RAPGEF1: variants seen among roughly 807,000 people sequenced by gnomAD.
RAPGEF1 encodes the protein CRK SH3-binding GNRP.
RAPGEF1 carries 33 observed loss-of-function variants against 143.3 expected under a neutral mutation model. That is an observed-to-expected ratio of 0.23 (90% CI 0.17 to 0.31). RAPGEF1 has a LOEUF of 0.31. Among genes scored for constraint, RAPGEF1 ranks in the 10% least tolerant of loss-of-function variants. RAPGEF1 has a pLI of 1.00. For synonymous variants in RAPGEF1, 629 were observed against 676.5 expected, an observed-to-expected ratio of 0.93 and a Z score of 1.09; for missense variants, 1,199 against 1,645.4, an observed-to-expected ratio of 0.73 and a Z score of 4.69.
chr9:131,590,489 C>G (rs999424198), intron 18 of RAPGEF1, among the ~76,000 whole-genome samples: 1 of 152,212 alleles, frequency 6.6e-6, no homozygotes, highest in African/African-American at 2.4e-5. Flanking sequence ...GGTCTCTCTT[C>G]CCAGAGCTGC....
intron 1 of RAPGEF1, among the ~76,000 whole-genome samples, chr9:131,708,360 G>C (rs1835241590): frequency 6.6e-6 from 1 of 152,204 alleles, no homozygotes; most frequent in South Asian, 2.1e-4. Context: ...CCGGTCTCCT[G>C]GGTCAATAAC....
At chr9:131,626,733 C>CT (rs1235060078) in intron 9 of RAPGEF1, among the ~76,000 whole-genome samples, 1 of 152,182 alleles carries the variant, frequency 6.6e-6, no homozygotes, top group African/African-American at 2.4e-5. Context: ...GTACCATAAT[C>CT]TAACTGTACT....
chr9:131,612,642 G>A (rs890360668), intron 12 of RAPGEF1, among the ~76,000 whole-genome samples: 2 of 152,178 alleles, frequency 1.3e-5, no homozygotes, highest in Non-Finnish European at 1.5e-5. Context: ...CCCGAGGGTC[G>A]CAGTGACCTG....
intron 1 of RAPGEF1, among the ~76,000 whole-genome samples, chr9:131,690,181 C>A (rs1263175496): frequency 6.6e-6 from 1 of 152,032 alleles, no homozygotes; most frequent in East Asian, 1.9e-4. Flanking sequence ...AATGGATGAC[C>A]ATTAAAACTA....
rs1260997053 is a variant in RAPGEF1, at chr9:131,650,795, C to A, written c.201+15G>T. The A allele has an allele frequency of 6.2e-7, 1 of 1,612,726 alleles. No homozygotes were observed. Reference sequence around the variant, plus strand: ...AAGCAGGTGAGGCCAGGAGAAACATCCAGAGTCAGCTTACTTTGTTCACAG... The same window carrying A: ...AAGCAGGTGAGGCCAGGAGAAACATACAGAGTCAGCTTACTTTGTTCACAG... On this transcript the variant is annotated intron_variant, in intron 2 of 26. Coordinates refer to ENST00000683357, the MANE Select transcript of RAPGEF1 (RefSeq NM_001377935.1). This position sits in a 1 kb window ranked among gnomAD's most constrained non-coding sequence, Gnocchi z 4.7.
Position 131,649,200 on chromosome 9 carries a change from ATTTTT to A in RAPGEF1, c.315+924_315+928del, listed in dbSNP as rs55813422. The stretch of plus-strand genomic sequence containing the variant: ...GGCGCCTGCCACTATGCCTGGCTAA[ATTTTT>A]TTTTTTTTTTTTTTTTTTTTTGTAT... On this transcript the variant is annotated intron_variant, in intron 3 of 26. Transcript: ENST00000683357. 2.5e-4 allele frequency among the ~76,000 whole-genome samples: 22 copies of A among 87,250 alleles called. No homozygotes were observed. In the East Asian group the frequency reaches 5.6e-3, roughly 22 times the overall value. The allele number at this position is 87,250 out of a possible 152,430, so 57.2% of individuals were successfully genotyped here. A position where few individuals can be genotyped will look rare whatever the true frequency, so the allele number is the denominator to read the frequency against.
intron 5 of RAPGEF1, among the ~76,000 whole-genome samples, chr9:131,633,190 C>T (rs1965411146): frequency 6.6e-6 from 1 of 152,166 alleles, no homozygotes; most frequent in Non-Finnish European, 1.5e-5. Flanking sequence ...TAAGGGACAG[C>T]CATCTAGCTG....
intron 12 of RAPGEF1, among the ~76,000 whole-genome samples, chr9:131,613,766 A>G (rs1249966886): frequency 6.6e-6 from 1 of 152,126 alleles, no homozygotes; most frequent in Non-Finnish European, 1.5e-5. Context: ...TGGAGACTCA[A>G]CCTTGGACTT....
At position 131,638,683 on chromosome 9, in the gene RAPGEF1, C is replaced by G; in HGVS notation, c.603G>C (p.Met201Ile). The G allele has an allele frequency of 6.2e-7, 1 of 1,614,056 alleles. No individual in the cohort carries two copies. The highest frequency in any genetic ancestry group is 8.5e-7 in the Non-Finnish European group (1 of 1,179,902). The change falls in exon 5 of 27, where the codon ATG becomes ATC. Residue 201 changes from methionine (M) to isoleucine (I), a missense_variant. By Grantham distance (10) the Met-to-Ile change is conservative. Around this residue, in one of 6 missense-constraint regions of RAPGEF1, gnomAD observed 613 missense variants for 710.9 expected, o/e 0.86. Coordinates refer to ENST00000683357, the MANE Select transcript of RAPGEF1 (RefSeq NM_001377935.1). ...TGATGACCCCCTTCACAGTCGTCACCATCTCCTTGTCTTCTGAGTTCACGC... is the reference window on the plus strand; with the variant it reads ...TGATGACCCCCTTCACAGTCGTCACGATCTCCTTGTCTTCTGAGTTCACGC... ...LEGVNSEDKE[M>I]VTTVKGVIKA...
At chr9:131,707,076 C>G (rs143963733) in intron 1 of RAPGEF1, among the ~76,000 whole-genome samples, 2 of 152,220 alleles carry the variant, frequency 1.3e-5, no homozygotes, top group Non-Finnish European at 2.9e-5. Context: ...ACAATCCAAA[C>G]GTAAGTAAAC....
chr9:131,598,187 G>C lies in RAPGEF1; in HGVS notation c.2613+12C>G, dbSNP rs375580073. On this transcript the variant is annotated intron_variant, in intron 16 of 26. Coordinates refer to ENST00000683357, the MANE Select transcript of RAPGEF1 (RefSeq NM_001377935.1). Reference sequence around the variant, plus strand: ...GGCCAGGCTGCAAAGCCCCAGCCCGGGAAGTTCTCACCTCCTGCTTGAGCG... The same window carrying C: ...GGCCAGGCTGCAAAGCCCCAGCCCGCGAAGTTCTCACCTCCTGCTTGAGCG... 18 of 1,611,390 alleles carry C rather than the reference G, an allele frequency of 1.1e-5. No individual in the cohort carries two copies. Among genetic ancestry groups the C allele is most frequent in the Non-Finnish European group, 1.4e-5 (17 of 1,177,914 alleles).
chr9:131,617,175 A>G (rs1469849840), intron 12 of RAPGEF1, among the ~76,000 whole-genome samples: 1 of 152,274 alleles, frequency 6.6e-6, no homozygotes, highest in Non-Finnish European at 1.5e-5. Context: ...ATATTGTGGA[A>G]ACTCTAAGGG....
intron 15 of RAPGEF1, chr9:131,598,589 C>G (rs1376324478): frequency 1.8e-6 from 1 of 554,488 alleles, no homozygotes; most frequent in Non-Finnish European, 3.4e-6. Flanking sequence ...GTGATGGTCT[C>G]AGCCACTCCC....
At chr9:131,622,771 CTTT>C (rs35243547) in intron 10 of RAPGEF1, among the ~76,000 whole-genome samples, 1 of 145,604 alleles carries the variant, frequency 6.9e-6, no homozygotes, top group Non-Finnish European at 1.5e-5. Context: ...CTCACACTTC[CTTT>C]TTTTTTTTTT....
intron 5 of RAPGEF1, 99 bp downstream of exon 5, chr9:131,638,536 T>A: frequency 1.5e-6 from 2 of 1,350,866 alleles, no homozygotes; most frequent in Admixed American, 3.7e-5. Flanking sequence ...AAAGACATTC[T>A]AATGTTTGAA....
chr9:131,601,156 AGT>A (rs376704251), intron 15 of RAPGEF1, among the ~76,000 whole-genome samples: 2,643 of 125,044 alleles, frequency 0.021, 64 homozygotes, highest in African/African-American at 0.058. Flanking sequence ...TGGGCGACAG[AGT>A]GAGACTCCGT....
chr9:131,630,891 A>C (rs77619506), intron 5 of RAPGEF1, among the ~76,000 whole-genome samples: 13,265 of 152,128 alleles, frequency 0.087, 672 homozygotes, highest in Middle Eastern at 0.27. Context: ...AAAGAAAAAT[A>C]GCCTTTTTCA....
At chr9:131,694,010 C>T (rs990974878) in intron 1 of RAPGEF1, among the ~76,000 whole-genome samples, 6 of 152,002 alleles carry the variant, frequency 3.9e-5, no homozygotes, top group African/African-American at 1.5e-4. Flanking sequence ...TTTAAGTGTT[C>T]TTAAACTCAA....
chr9:131,577,653 A>G lies in RAPGEF1; in HGVS notation c.*1844T>C, dbSNP rs1324661122. 6.6e-6 allele frequency: 1 copy of G among 152,368 alleles called. No individual in the cohort carries two copies. The highest frequency in any genetic ancestry group is 1.5e-5 in the Non-Finnish European group (1 of 68,120). 9.4% of individuals were successfully genotyped at this position (152,368 alleles called of 1,614,324 possible). A position where few individuals can be genotyped will look rare whatever the true frequency, so the allele number is the denominator to read the frequency against. Reference sequence around the variant, plus strand: ...GGGCAAGGGAAGGGGAGAGAGAGTCAAGGATTGAAATGAAGGGACTTCAAA... The same window carrying G: ...GGGCAAGGGAAGGGGAGAGAGAGTCGAGGATTGAAATGAAGGGACTTCAAA... On this transcript the variant is annotated 3_prime_UTR_variant, in exon 27 of 27. Coordinates refer to ENST00000683357, the MANE Select transcript of RAPGEF1 (RefSeq NM_001377935.1).
Sources: gnomAD v4.1 joint callset for allele counts (sites outside exome capture counted in the v4.1 genomes callset) on GRCh38, gnomAD v4.1.1 for gene constraint, gnomAD v4.1.1 regional missense constraint, Gnocchi (gnomAD v3.1) non-coding constraint, MANE v1.5 for transcripts, NCBI Gene and HGNC (gene_info 2026-07-23, HGNC 2026-07-21) for gene names.